Variants in KCNH7 observed in about 807,000 individuals in gnomAD.
KCNH7 encodes the protein potassium voltage-gated channel subfamily H member 7, also known as voltage-gated inwardly rectifying potassium channel KCNH7.
In KCNH7, 49 loss-of-function variants were observed where a neutral mutation model predicts 120.8. That is an observed-to-expected ratio of 0.41 (90% CI 0.32 to 0.51). KCNH7 has a LOEUF of 0.51. KCNH7 is among the 20% of genes least tolerant of loss of function. The pLI is 0.38. For missense variants in KCNH7, 1,097 were observed against 1,446.6 expected (o/e 0.76, Z 3.92); for synonymous variants, 547 against 516.1 (o/e 1.06, Z -0.81).
rs567777422 is a variant in KCNH7, at chr2:162,608,019, G to C, written c.308-70939C>G. Among the ~76,000 whole-genome samples the C allele has an allele frequency of 2.0e-5, 3 of 152,220 alleles. No homozygotes were observed. In the East Asian group the frequency reaches 5.8e-4, roughly 29 times the overall value. On this transcript the variant is annotated intron_variant, in intron 2 of 15. Transcript: ENST00000332142. ...TTAGATGTTTCTAGACCTAATAAAC[G>C]TTCCAAATTTATATTTCCTAGACAG...
At chr2:162,549,024 A>C (rs1021020563) in intron 2 of KCNH7, among the ~76,000 whole-genome samples, 1 of 152,166 alleles carries the variant, frequency 6.6e-6, no homozygotes, top group African/African-American at 2.4e-5. Context: ...TCCCTTTTGA[A>C]CATCTGACTG....
chr2:162,620,090 CTCTATAAAAAA>C (rs1478090735), intron 2 of KCNH7, among the ~76,000 whole-genome samples: 1 of 150,094 alleles, frequency 6.7e-6, no homozygotes, highest in Non-Finnish European at 1.5e-5. Context: ...TATATATTCT[CTCTATAAAAAA>C]TCTATAAAAA....
At chr2:162,409,817 C>A (rs1687332523) in intron 9 of KCNH7, among the ~76,000 whole-genome samples, 1 of 151,802 alleles carries the variant, frequency 6.6e-6, no homozygotes, top group African/African-American at 2.4e-5. Flanking sequence ...ATTAAGAATG[C>A]AATCTCATTT....
intron 2 of KCNH7, among the ~76,000 whole-genome samples, chr2:162,650,676 C>T (rs1684533031): frequency 6.6e-6 from 1 of 151,446 alleles, no homozygotes; most frequent in Admixed American, 6.6e-5. Context: ...CTCATGGAAA[C>T]TAACTCAGTT....
intron 2 of KCNH7, among the ~76,000 whole-genome samples, chr2:162,564,565 ACT>A (rs1259716288): frequency 6.6e-6 from 1 of 151,606 alleles, no homozygotes; most frequent in Non-Finnish European, 1.5e-5. Flanking sequence ...CCTTGGGAAG[ACT>A]CTCTGTGGTA....
intron 2 of KCNH7, among the ~76,000 whole-genome samples, chr2:162,694,044 C>G (rs1686204687): frequency 6.6e-6 from 1 of 152,030 alleles, no homozygotes; most frequent in Non-Finnish European, 1.5e-5. Context: ...AGGTATTATA[C>G]CAGTATAAAT....
At chr2:162,400,755 A>C (rs1161468668) in intron 9 of KCNH7, among the ~76,000 whole-genome samples, 1 of 151,916 alleles carries the variant, frequency 6.6e-6, no homozygotes, top group Non-Finnish European at 1.5e-5. Context: ...CATACTGTGC[A>C]CAGATATAAT....
chr2:162,638,196 G>A (rs1267756513), intron 2 of KCNH7, among the ~76,000 whole-genome samples: 3 of 151,990 alleles, frequency 2.0e-5, no homozygotes, highest in Non-Finnish European at 4.4e-5. Context: ...AGTGCTTATG[G>A]TCAATGACAA....
intron 3 of KCNH7, among the ~76,000 whole-genome samples, chr2:162,526,544 G>A (rs1166694659): frequency 6.6e-6 from 1 of 151,960 alleles, no homozygotes; most frequent in Non-Finnish European, 1.5e-5. Context: ...GTTTCTCAGG[G>A]ATGTTCCTTG....
At chr2:162,524,021 TA>T (rs1691618248) in intron 3 of KCNH7, among the ~76,000 whole-genome samples, 1 of 151,826 alleles carries the variant, frequency 6.6e-6, no homozygotes, top group Non-Finnish European at 1.5e-5. Context: ...AGGTTTGTTG[TA>T]AAGGTCATAA....
chr2:162,423,298 C>A, intron 9 of KCNH7, 38 bp downstream of exon 9: 1 of 1,613,906 alleles, frequency 6.2e-7, no homozygotes, highest in Non-Finnish European at 8.5e-7. Flanking sequence ...CACTATAATG[C>A]CTGCGGCACT....
At chr2:162,416,817 T>C (rs1232401740) in intron 9 of KCNH7, among the ~76,000 whole-genome samples, 1 of 152,120 alleles carries the variant, frequency 6.6e-6, no homozygotes, top group East Asian at 1.9e-4. Flanking sequence ...CGTAGAGTTA[T>C]GCTGGGGGTG....
At chr2:162,425,127 T>C (rs958011522) in intron 8 of KCNH7, among the ~76,000 whole-genome samples, 4 of 152,094 alleles carry the variant, frequency 2.6e-5, no homozygotes, top group African/African-American at 9.7e-5. Flanking sequence ...TACTCCAGCC[T>C]TTGGACTTGC....
At chr2:162,721,234 G>T (rs1390152355) in intron 2 of KCNH7, among the ~76,000 whole-genome samples, 1 of 151,988 alleles carries the variant, frequency 6.6e-6, no homozygotes, top group Non-Finnish European at 1.5e-5. Context: ...ATATTGGCTG[G>T]CATTTTAAAA....
At chr2:162,455,227 T>C (rs575298134) in intron 6 of KCNH7, among the ~76,000 whole-genome samples, 176 of 152,316 alleles carry the variant, frequency 1.2e-3, no homozygotes, top group Non-Finnish European at 4.4e-4. Flanking sequence ...GTTTACATGA[T>C]GGCTTATGTT....
chr2:162,718,296 A>G (rs976177938), intron 2 of KCNH7, among the ~76,000 whole-genome samples: 1 of 151,996 alleles, frequency 6.6e-6, no homozygotes, highest in South Asian at 2.1e-4. Flanking sequence ...TTTCATCTCA[A>G]AATCAACCTA....
intron 2 of KCNH7, among the ~76,000 whole-genome samples, chr2:162,549,220 A>T (rs1479454258): frequency 6.6e-6 from 1 of 152,222 alleles, no homozygotes; most frequent in East Asian, 1.9e-4. Context: ...CTTAATTTTC[A>T]GATAAGAGAC....
intron 2 of KCNH7, among the ~76,000 whole-genome samples, chr2:162,765,693 T>C (rs968385183): frequency 6.6e-5 from 10 of 152,218 alleles, no homozygotes; most frequent in African/African-American, 2.4e-4. Context: ...AGAATGAATA[T>C]GATCAAAATA....
chr2:162,461,066 C>A (rs778423557), intron 6 of KCNH7, among the ~76,000 whole-genome samples: 14 of 152,096 alleles, frequency 9.2e-5, no homozygotes, highest in Non-Finnish European at 1.3e-4. Context: ...GTAGAACTAC[C>A]TTTTTTTCTA....
Sources: allele counts gnomAD v4.1 joint callset (sites outside exome capture counted in the v4.1 genomes callset), GRCh38; gene constraint gnomAD v4.1.1; transcripts MANE v1.5; gene names NCBI Gene and HGNC (gene_info 2026-07-23, HGNC 2026-07-21).